The following DHTKD1 variants were observed in gnomAD, a reference collection of about 807,000 sequenced individuals.
DHTKD1 encodes the protein 2-oxoadipate dehydrogenase complex component E1.
DHTKD1 carries 78 observed loss-of-function variants against 101.8 expected under a neutral mutation model. The observed-to-expected ratio is 0.77, with a 90% CI of 0.64 to 0.93. DHTKD1 has a LOEUF of 0.93. Among genes scored for constraint, DHTKD1 ranks in the 40% least tolerant of loss-of-function variants. The probability of loss-of-function intolerance (pLI) is 0.00; values close to 1 mark genes in which losing one functional copy is unlikely to be tolerated. For missense variants in DHTKD1, 1,223 were observed against 1,161.7 expected (o/e 1.05, Z -0.77); for synonymous variants, 462 against 450.3 (o/e 1.03, Z -0.33).
rs917917626 is a variant in DHTKD1 at position 12,122,608 on chromosome 10, A to C, written c.*1720A>C. The C allele has an allele frequency of 6.6e-6, 1 of 152,032 alleles. No homozygotes were observed. The highest frequency in any genetic ancestry group is 1.5e-5 in the Non-Finnish European group (1 of 68,034). The allele number at this position is 152,032 out of a possible 1,614,324, so 9.4% of individuals were successfully genotyped here. On this transcript the variant is annotated 3_prime_UTR_variant, in exon 17 of 17. Coordinates refer to ENST00000263035, the MANE Select transcript of DHTKD1 (RefSeq NM_018706.7). Reference sequence around the variant, plus strand: ...ACTCCAGTCTGGGTGACAGAGCAAGACTCCATCTCAAAAAATAAATAAATA... The same window carrying C: ...ACTCCAGTCTGGGTGACAGAGCAAGCCTCCATCTCAAAAAATAAATAAATA...
chr10:12,078,606 G>A (rs996987328), intron 1 of DHTKD1, among the ~76,000 whole-genome samples: 7 of 152,052 alleles, frequency 4.6e-5, no homozygotes, highest in East Asian at 3.9e-4. Flanking sequence ...GTGAGACTCC[G>A]TCTCAAAAAA....
intron 14 of DHTKD1, among the ~76,000 whole-genome samples, chr10:12,118,235 T>C (rs1365196147): frequency 6.6e-6 from 1 of 151,764 alleles, no homozygotes; most frequent in Non-Finnish European, 1.5e-5. Flanking sequence ...GAGTTAAGTG[T>C]GGGTGGGAAA....
Position 12,089,222 on chromosome 10 carries a change from A to G in DHTKD1, c.954A>G (p.Ser318=), listed in dbSNP as rs1832951827. 2 of 1,614,180 alleles carry G rather than the reference A, an allele frequency of 1.2e-6. No individual in the cohort carries two copies. The highest frequency in any genetic ancestry group is 1.7e-6 in the Non-Finnish European group (2 of 1,180,038). Residue 318 remains serine (S), a synonymous_variant, in exon 5 of 17, where the codon TCA becomes TCG. Transcript: ENST00000263035. ...ACGGCGATTACTCTCCAGACAACTC[A>G]GCCCAGCCGGGGGACAGGGTCATTT... ...RQDGDYSPDN[S]AQPGDRVICL... is the part of the protein sequence containing the mutation.
At chr10:12,118,645 G>C (rs1272717049) in intron 14 of DHTKD1, 104 bp from the exon 15 acceptor site, 1 of 884,450 alleles carries the variant, frequency 1.1e-6, no homozygotes, top group Non-Finnish European at 1.6e-6. Context: ...GCCTCCCAAA[G>C]TGCTGAGATT....
Position 12,089,041 on chromosome 10 carries a change from C to T in DHTKD1, c.773C>T (p.Thr258Ile). The change falls in exon 5 of 17, where the codon ACT (threonine) becomes ATT (isoleucine). Residue 258 changes from threonine (T) to isoleucine (I), a missense_variant. By Grantham distance (89) the Thr-to-Ile change is moderately conservative. Transcript: ENST00000263035. ...LSEFPENFSA[T>I]GDVLSHLTSS... ...GAATTTCCAGAGAATTTCTCAGCCA[C>T]TGGAGACGTCCTGTCTCACCTGACC... 1 of 1,613,992 alleles carries T rather than the reference C, an allele frequency of 6.2e-7. No homozygotes were observed. The highest frequency in any genetic ancestry group is 1.1e-5 in the South Asian group (1 of 91,078).
At chr10:12,074,789 C>T (rs1251848118) in intron 1 of DHTKD1, among the ~76,000 whole-genome samples, 1 of 151,936 alleles carries the variant, frequency 6.6e-6, no homozygotes, top group African/African-American at 2.4e-5. Flanking sequence ...CATCCCAGCA[C>T]TTTGGGAGGC....
chr10:12,109,643 A>G (rs950863204), intron 12 of DHTKD1, among the ~76,000 whole-genome samples: 6 of 151,938 alleles, frequency 3.9e-5, no homozygotes, highest in African/African-American at 1.4e-4. Flanking sequence ...GATCTTAGAA[A>G]GCAAGCGAAG....
chr10:12,100,298 TTTTG>T (rs758825272), intron 9 of DHTKD1, 36 bp downstream of exon 9: 1 of 910,848 alleles, frequency 1.1e-6, no homozygotes, highest in Non-Finnish European at 1.6e-6. Flanking sequence ...TTTTTTTTTT[TTTTG>T]AGTCTCACCC....
At chr10:12,090,886 A>G (rs1212420300) in intron 5 of DHTKD1, among the ~76,000 whole-genome samples, 1 of 151,908 alleles carries the variant, frequency 6.6e-6, no homozygotes, top group Non-Finnish European at 1.5e-5. Flanking sequence ...CTTCATTTTT[A>G]CCCAGTACAT....
intron 15 of DHTKD1, among the ~76,000 whole-genome samples, chr10:12,119,622 AAAAAAAAAAAAAAG>A (rs1345924100): frequency 4.0e-5 from 6 of 151,206 alleles, no homozygotes; most frequent in Non-Finnish European, 7.4e-5. Flanking sequence ...TCTCAAAAAA[AAAAAAAAAAAAAAG>A]AAAGAAAATT....
At chr10:12,097,431 C>T (rs766429388) in intron 7 of DHTKD1, among the ~76,000 whole-genome samples, 1 of 152,050 alleles carries the variant, frequency 6.6e-6, no homozygotes, top group Non-Finnish European at 1.5e-5. Flanking sequence ...CGCCACCATG[C>T]CAAGCTAATT....
In DHTKD1 at chr10:12,117,687, T is replaced by A; in HGVS notation, c.2334T>A (p.Thr778=). 1 of 1,604,916 alleles carries A rather than the reference T, an allele frequency of 6.2e-7. No homozygotes were observed. The highest frequency in any genetic ancestry group is 8.5e-7 in the Non-Finnish European group (1 of 1,174,290). ...CTCCCTCGTAGGCAGCCGTGTCAAC[T>A]CTTCAAGAAATGGCACCAGGAACAA... ...MLLRLPAAVS[T]LQEMAPGTTF... is the part of the protein sequence containing the mutation. Residue 778 remains threonine, a synonymous_variant, in exon 14 of 17, where the codon ACT becomes ACA. Coordinates refer to ENST00000263035, the MANE Select transcript of DHTKD1 (RefSeq NM_018706.7).
chr10:12,073,539 G>T (rs1832679995), intron 1 of DHTKD1, among the ~76,000 whole-genome samples: 2 of 152,072 alleles, frequency 1.3e-5, no homozygotes, highest in Admixed American at 6.6e-5. Context: ...TAGAAACAGG[G>T]TTTCACATGT....
At chr10:12,082,890 A>G (rs1464847575) in intron 2 of DHTKD1, among the ~76,000 whole-genome samples, 1 of 152,140 alleles carries the variant, frequency 6.6e-6, no homozygotes, top group Non-Finnish European at 1.5e-5. Context: ...TAATCCCAGC[A>G]TTTTGGGAGG....
intron 13 of DHTKD1, 35 bp downstream of exon 13, chr10:12,113,099 T>G (rs749836455): frequency 1.3e-6 from 2 of 1,524,586 alleles, no homozygotes; most frequent in Non-Finnish European, 1.8e-6. Flanking sequence ...CTTCCTCCTT[T>G]TGTCATTTTT....
intron 10 of DHTKD1, 96 bp from the exon 11 acceptor site, chr10:12,106,150 C>T: frequency 7.9e-7 from 1 of 1,258,272 alleles, no homozygotes; most frequent in Non-Finnish European, 1.1e-6. Context: ...GAGCAAGGCT[C>T]CCTCTCCGCA....
intron 3 of DHTKD1, among the ~76,000 whole-genome samples, chr10:12,085,730 A>G (rs1177674846): frequency 8.6e-5 from 13 of 152,002 alleles, no homozygotes; most frequent in Admixed American, 7.2e-4. Context: ...AAAACAAAAT[A>G]CAAAAAATTA....
chr10:12,107,900 CTTTTCCAGGAG>C lies in DHTKD1; in HGVS notation c.2048-8_2050del, dbSNP rs1375524252. 14 of 1,598,010 alleles carry C rather than the reference CTTTTCCAGGAG, an allele frequency of 8.8e-6. No homozygotes were observed. The highest frequency in any genetic ancestry group is 1.1e-5 in the Non-Finnish European group (13 of 1,165,754). ...TAGAGCTCTTACTCCCCACGTGGTA[CTTTTCCAGGAG>C]AGGCCAAGTGGCTCCTACAAAGCGG... On this transcript the variant is annotated splice_acceptor_variant and splice_polypyrimidine_tract_variant and coding_sequence_variant and intron_variant, in exon 12 of 17. Transcript: ENST00000263035. LOFTEE classifies it high-confidence loss of function. This position sits in a 1 kb window ranked among gnomAD's most constrained non-coding sequence, Gnocchi z 4.1.
Position 12,120,835 on chromosome 10 carries a change from G to C in DHTKD1, c.2707G>C (p.Gly903Arg). Residue 903 changes from glycine (G) to arginine (R), a missense_variant, in exon 17 of 17, where the codon GGC becomes CGC. Gly to Arg is a moderately radical substitution (Grantham distance 125). Transcript: ENST00000263035. ...TTTGCCAGTACCCGCTGTAGGAATTGGCACAGTTCACTTGCACCAGCATGA... is the reference window on the plus strand; with the variant it reads ...TTTGCCAGTACCCGCTGTAGGAATTCGCACAGTTCACTTGCACCAGCATGA... ...PPLPVPAVGI[G>R]TVHLHQHEDI... 2 of 1,614,122 alleles carry C rather than the reference G, an allele frequency of 1.2e-6. No individual in the cohort carries two copies. The highest frequency in any genetic ancestry group is 1.7e-6 in the Non-Finnish European group (2 of 1,179,996).
Sources: gnomAD v4.1 joint callset for allele counts (sites outside exome capture counted in the v4.1 genomes callset) on GRCh38, gnomAD v4.1.1 for gene constraint, Gnocchi (gnomAD v3.1) non-coding constraint, MANE v1.5 for transcripts, NCBI Gene and HGNC (gene_info 2026-07-23, HGNC 2026-07-21) for gene names.